The following MMS22L variants were observed in gnomAD, a reference collection of about 807,000 sequenced individuals.
MMS22L encodes MMS22 like, DNA repair protein.
In MMS22L, 74 loss-of-function variants were observed where a neutral mutation model predicts 159.1. That is an observed-to-expected ratio of 0.47 (90% confidence interval 0.39 to 0.56). The LOEUF (loss-of-function observed/expected upper bound fraction) is 0.56. Ranked by LOEUF, MMS22L falls within the 20% of genes least tolerant of loss-of-function variation. MMS22L has a pLI of 0.00. For synonymous variants in MMS22L, 517 were observed against 506.9 expected, an observed-to-expected ratio of 1.02 and a Z score of -0.27; for missense variants, 1,351 against 1,422.1, an observed-to-expected ratio of 0.95 and a Z score of 0.80.
At position 97,217,306 on chromosome 6, in the gene MMS22L, C is replaced by T. The variant is rs556864859; in HGVS notation, c.2039+11588G>A. On this transcript the variant is annotated intron_variant, in intron 14 of 24. Transcript: ENST00000683635. Reference sequence around the variant, plus strand: ...TGTTGCTCAGGCTGGAGTGCAATGGCGCATTCTCGGCTCACTGAAGTCTCC... The same window carrying T: ...TGTTGCTCAGGCTGGAGTGCAATGGTGCATTCTCGGCTCACTGAAGTCTCC... Among the ~76,000 whole-genome samples, 9 of 152,140 alleles carry T rather than the reference C, an allele frequency of 5.9e-5. No individual in the cohort carries two copies. In the East Asian group the frequency reaches 1.2e-3, roughly 20 times the overall value.
intron 24 of MMS22L, among the ~76,000 whole-genome samples, chr6:97,147,938 C>G (rs1800990466): frequency 6.6e-6 from 1 of 152,020 alleles, no homozygotes; most frequent in African/African-American, 2.4e-5. Flanking sequence ...AAATTTTTGT[C>G]TAAAAATTGG....
intron 22 of MMS22L, among the ~76,000 whole-genome samples, chr6:97,157,029 G>T (rs1031068480): frequency 5.3e-5 from 8 of 152,082 alleles, no homozygotes; most frequent in Admixed American, 4.6e-4. Flanking sequence ...CCTTGAAGAG[G>T]TCCTTCACAT....
At chr6:97,245,156 GCTT>G (rs933846369) in intron 11 of MMS22L, among the ~76,000 whole-genome samples, 3 of 151,804 alleles carry the variant, frequency 2.0e-5, no homozygotes, top group Admixed American at 6.6e-5. Flanking sequence ...AACCTTTAAA[GCTT>G]CTTAAGAAAT....
At chr6:97,151,703 T>TA in intron 23 of MMS22L, 68 bp downstream of exon 23, 1 of 1,231,036 alleles carries the variant, frequency 8.1e-7, no homozygotes, top group African/African-American at 1.5e-5. Flanking sequence ...ATTAGTTATT[T>TA]AAAAAACATG....
chr6:97,244,655 G>C (rs1812441399), intron 11 of MMS22L, among the ~76,000 whole-genome samples: 1 of 152,202 alleles, frequency 6.6e-6, no homozygotes, highest in Admixed American at 6.5e-5. Flanking sequence ...TGGACACCAA[G>C]TTCTTCAGCT....
At chr6:97,242,585 A>G (rs1277723861) in intron 11 of MMS22L, among the ~76,000 whole-genome samples, 1 of 152,196 alleles carries the variant, frequency 6.6e-6, no homozygotes, top group Non-Finnish European at 1.5e-5. Context: ...GGTCATTTAC[A>G]TACAACGTTA....
At chr6:97,192,966 C>A (rs1027226454) in intron 14 of MMS22L, among the ~76,000 whole-genome samples, 13 of 152,134 alleles carry the variant, frequency 8.5e-5, no homozygotes, top group Admixed American at 3.3e-4. Flanking sequence ...AGCTTCAATA[C>A]CCCAATTCAT....
At chr6:97,151,408 C>CTA (rs1801302841) in intron 23 of MMS22L, among the ~76,000 whole-genome samples, 1 of 152,148 alleles carries the variant, frequency 6.6e-6, no homozygotes, top group South Asian at 2.1e-4. Context: ...GCAGAGTGGG[C>CTA]TATAGCACCT....
At position 97,224,371 on chromosome 6, in the gene MMS22L, A is replaced by G. The variant is rs534149456; in HGVS notation, c.2039+4523T>C. 2.6e-5 allele frequency among the ~76,000 whole-genome samples: 4 copies of G among 152,280 alleles called. No individual in the cohort carries two copies. The East Asian group carries it at 7.7e-4, about 29-fold the overall frequency. ...GAAATATTTTTCTAACACTCCTGAA[A>G]TAACTTTGGCTTTAATGCTAAAGGA... is the stretch of plus-strand genomic sequence containing the variant. On this transcript the variant is annotated intron_variant, in intron 14 of 24. Coordinates refer to ENST00000683635, the MANE Select transcript of MMS22L (RefSeq NM_001350599.2).
At chr6:97,201,091 G>GA (rs1231143112) in intron 14 of MMS22L, among the ~76,000 whole-genome samples, 3 of 151,784 alleles carry the variant, frequency 2.0e-5, no homozygotes, top group Non-Finnish European at 4.4e-5. Flanking sequence ...AAAACACACA[G>GA]AAAAAAATGT....
chr6:97,223,062 A>G (rs780339501), intron 14 of MMS22L, among the ~76,000 whole-genome samples: 18 of 152,110 alleles, frequency 1.2e-4, no homozygotes, highest in African/African-American at 3.9e-4. Flanking sequence ...TATTTTCACA[A>G]TGCTACTTAA....
In MMS22L at chr6:97,179,345, C is replaced by T. The variant is rs1355216023; in HGVS notation, c.2536+63G>A. 2.1e-6 allele frequency: 3 copies of T among 1,406,086 alleles called. No homozygotes were observed. In the African/African-American group the frequency reaches 4.3e-5, roughly 20 times the overall value. 87.1% of individuals were successfully genotyped at this position (1,406,086 alleles called of 1,614,324 possible). On this transcript the variant is annotated intron_variant, in intron 17 of 24. Coordinates refer to ENST00000683635, the MANE Select transcript of MMS22L (RefSeq NM_001350599.2). ...TTCTATTAATTACATAACAAATGAT[C>T]TAGACAGCAAATAGCTTTCCATAGA...
intron 21 of MMS22L, among the ~76,000 whole-genome samples, chr6:97,164,032 T>C (rs1802714138): frequency 6.6e-6 from 1 of 151,874 alleles, no homozygotes. Flanking sequence ...AAAGAGTATT[T>C]TAGGAAAAGT....
chr6:97,165,525 C>G (rs1802878417), intron 20 of MMS22L, 68 bp from the exon 21 acceptor site: 2 of 1,297,608 alleles, frequency 1.5e-6, no homozygotes, highest in African/African-American at 1.5e-5. Flanking sequence ...TTTAGAAACT[C>G]ACTAATGAAG....
chr6:97,210,381 T>C (rs1336019492), intron 14 of MMS22L, among the ~76,000 whole-genome samples: 1 of 151,866 alleles, frequency 6.6e-6, no homozygotes, highest in Non-Finnish European at 1.5e-5. Context: ...GACAACAGGG[T>C]GAAGAAAGGA....
At chr6:97,246,712 C>T in intron 10 of MMS22L, 22 bp from the exon 11 acceptor site, 8 of 699,406 alleles carry the variant, frequency 1.1e-5, no homozygotes, top group Non-Finnish European at 1.8e-5. Flanking sequence ...GAAAATAGTG[C>T]ATCAAAATTA....
At chr6:97,161,053 A>G (rs990616707) in intron 22 of MMS22L, among the ~76,000 whole-genome samples, 2 of 152,002 alleles carry the variant, frequency 1.3e-5, no homozygotes, top group Non-Finnish European at 2.9e-5. Flanking sequence ...ACAATATCTG[A>G]CTGCTCTCAC....
intron 12 of MMS22L, among the ~76,000 whole-genome samples, chr6:97,231,936 G>C (rs1810917242): frequency 6.6e-6 from 1 of 152,168 alleles, no homozygotes; most frequent in Admixed American, 6.5e-5. Flanking sequence ...GCATGGCACT[G>C]TGGGCTCTTT....
intron 2 of MMS22L, 74 bp downstream of exon 2, chr6:97,282,240 G>T (rs1816817818): frequency 2.0e-6 from 3 of 1,478,570 alleles, no homozygotes; most frequent in Non-Finnish European, 2.8e-6. Flanking sequence ...AAGTTTAATG[G>T]GCTGAAATAA....
Sources: gnomAD v4.1 joint callset for allele counts (sites outside exome capture counted in the v4.1 genomes callset) on GRCh38, gnomAD v4.1.1 for gene constraint, MANE v1.5 for transcripts, NCBI Gene and HGNC (gene_info 2026-07-23, HGNC 2026-07-21) for gene names.